The following ACAT1 variants were observed in gnomAD, a reference collection of about 807,000 sequenced individuals.
The protein encoded by ACAT1 is acetyl-CoA acetyltransferase, mitochondrial.
Under a neutral mutation model 47.3 loss-of-function variants are expected in ACAT1, and 28 were observed. The ratio of observed to expected loss-of-function variants is 0.59; its 90% CI spans 0.44 to 0.81. The LOEUF (loss-of-function observed/expected upper bound fraction) is 0.81. Ranked by LOEUF, ACAT1 falls within the 30% of genes least tolerant of loss-of-function variation. The probability of loss-of-function intolerance (pLI) is 0.00; values close to 1 mark genes in which losing one functional copy is unlikely to be tolerated. For missense variants in ACAT1, 469 were observed against 524.3 expected, an observed-to-expected ratio of 0.89 and a Z score of 1.03; for synonymous variants, 181 against 173.6, an observed-to-expected ratio of 1.04 and a Z score of -0.34.
At chr11:108,123,149 C>T (rs1365073283) in intron 1 of ACAT1, among the ~76,000 whole-genome samples, 6 of 151,962 alleles carry the variant, frequency 3.9e-5, no homozygotes, top group African/African-American at 7.3e-5. Flanking sequence ...GCAGGAGAAT[C>T]GCTTGAACCC....
In ACAT1 at chr11:108,133,895, A is replaced by AC; in HGVS notation, c.196_197insC (p.Lys66ThrfsTer12). On this transcript the variant is annotated frameshift_variant, in exon 3 of 12. Coordinates refer to ENST00000265838, the MANE Select transcript of ACAT1 (RefSeq NM_000019.4). LOFTEE classifies it high-confidence loss of function. ...CAGCCTTTCCTTGCTGCCAGCCACT[A>AC]AGCTTGGTTCCATTGCAATTCAGGG... 6.2e-7 allele frequency: 1 copy of AC among 1,614,142 alleles called. No individual in the cohort carries two copies. Among genetic ancestry groups the AC allele is most frequent in the Non-Finnish European group, 8.5e-7 (1 of 1,180,024 alleles).
intron 4 of ACAT1, 111 bp downstream of exon 4, chr11:108,134,427 G>T: frequency 4.0e-6 from 3 of 755,332 alleles, no homozygotes; most frequent in Non-Finnish European, 6.8e-6. Context: ...GGCGGATCAC[G>T]AGGTCAAGAG....
chr11:108,146,905 C>T (rs2077724468), intron 11 of ACAT1, among the ~76,000 whole-genome samples: 1 of 152,208 alleles, frequency 6.6e-6, no homozygotes, highest in South Asian at 2.1e-4. Flanking sequence ...CATGGCGAAA[C>T]CCTGTCTCTA....
intron 1 of ACAT1, among the ~76,000 whole-genome samples, chr11:108,130,203 C>T (rs2077330809): frequency 6.6e-6 from 1 of 152,064 alleles, no homozygotes; most frequent in Admixed American, 6.6e-5. Context: ...CCAACTGACC[C>T]AGTCTCTCTG....
chr11:108,132,678 C>A (rs894365373), intron 2 of ACAT1, among the ~76,000 whole-genome samples: 1 of 151,102 alleles, frequency 6.6e-6, no homozygotes, highest in African/African-American at 2.4e-5. Flanking sequence ...CACGGTGAAA[C>A]CCCATCTCCA....
In ACAT1 at chr11:108,134,267, A is replaced by T. The variant is rs771349233; in HGVS notation, c.285A>T (p.Leu95=). The T allele has an allele frequency of 6.2e-7, 1 of 1,613,732 alleles. No individual in the cohort carries two copies. Among genetic ancestry groups the T allele is most frequent in the Admixed American group, 1.7e-5 (1 of 59,972 alleles). Residue 95 remains leucine (L), a synonymous_variant, in exon 4 of 12, where the codon CTA becomes CTT. Coordinates refer to ENST00000265838, the MANE Select transcript of ACAT1 (RefSeq NM_000019.4). ...EVKEAYMGNV[L]QGGEGQAPTR... ...AAGAAGCATACATGGGTAATGTTCTACAAGGAGGTGAAGGACAAGCTCCTA... is the reference window on the plus strand; with the variant it reads ...AAGAAGCATACATGGGTAATGTTCTTCAAGGAGGTGAAGGACAAGCTCCTA...
Position 108,135,170 on chromosome 11 carries a change from C to CT in ACAT1, c.363_364insT (p.Ile122TyrfsTer55). ...TACCTATTTCTACTCCATGTACCAC[C>CT]ATAAACAAAGTTTGTGCTTCAGGAA... is the stretch of plus-strand genomic sequence containing the variant. On this transcript the variant is annotated frameshift_variant, in exon 5 of 12. Coordinates refer to ENST00000265838, the MANE Select transcript of ACAT1 (RefSeq NM_000019.4). LOFTEE classifies it high-confidence loss of function. The CT allele has an allele frequency of 6.2e-7, 1 of 1,613,746 alleles. No homozygotes were observed. Among genetic ancestry groups the CT allele is most frequent in the Non-Finnish European group, 8.5e-7 (1 of 1,179,820 alleles).
intron 10 of ACAT1, among the ~76,000 whole-genome samples, chr11:108,145,094 G>A (rs1357624528): frequency 6.6e-6 from 1 of 152,018 alleles, no homozygotes; most frequent in African/African-American, 2.4e-5. Context: ...AAAGAAAAAG[G>A]GCACTCACTA....
chr11:108,130,744 A>G (rs1168841420), intron 1 of ACAT1, among the ~76,000 whole-genome samples: 4 of 150,728 alleles, frequency 2.7e-5, no homozygotes, highest in Admixed American at 6.6e-5. Context: ...CTGCGTTGTC[A>G]GAATTAATTA....
At chr11:108,137,746 G>A (rs148758788) in intron 5 of ACAT1, among the ~76,000 whole-genome samples, 10 of 152,040 alleles carry the variant, frequency 6.6e-5, no homozygotes, top group Non-Finnish European at 1.3e-4. Flanking sequence ...GTTTGAGACC[G>A]GCCTGGGTGA....
upstream of ACAT1, among the ~76,000 whole-genome samples, chr11:108,118,989 T>C (rs1262796541): frequency 6.6e-6 from 1 of 152,168 alleles, no homozygotes; most frequent in Non-Finnish European, 1.5e-5. Context: ...ACTAGTGTAG[T>C]GAGTGCCTAG....
intron 11 of ACAT1, 151 bp from the exon 12 acceptor site, chr11:108,147,119 C>A: frequency 1.1e-6 from 1 of 889,984 alleles, no homozygotes; most frequent in Non-Finnish European, 1.7e-6. Context: ...TGAAACAAGT[C>A]CTCCAAGTTT....
chr11:108,142,610 G>A, intron 9 of ACAT1, 60 bp downstream of exon 9: 1 of 1,386,836 alleles, frequency 7.2e-7, no homozygotes, highest in Non-Finnish European at 1.0e-6. Context: ...GTTGAGGTGG[G>A]AGGATTGCTT....
intron 1 of ACAT1, among the ~76,000 whole-genome samples, chr11:108,122,807 CAAG>C (rs1445530287): frequency 6.6e-6 from 1 of 151,822 alleles, no homozygotes; most frequent in African/African-American, 2.4e-5. Context: ...GAAGAAATCA[CAAG>C]AAAGTAATTA....
chr11:108,146,445 C>T lies in ACAT1; in HGVS notation c.1163+86C>T, dbSNP rs113133561. The T allele has an allele frequency of 4.4e-5, 66 of 1,502,776 alleles. No individual in the cohort carries two copies. In the African/African-American group the frequency reaches 5.9e-4, roughly 14 times the overall value. 93.1% of individuals were successfully genotyped at this position (1,502,776 alleles called of 1,614,324 possible). On this transcript the variant is annotated intron_variant, in intron 11 of 11. Coordinates refer to ENST00000265838, the MANE Select transcript of ACAT1 (RefSeq NM_000019.4). ...TAAAACTGCTTCATAATTCCCATTG[C>T]TCTTAAGTTTTCCTTCCTACCCATC...
intron 5 of ACAT1, 156 bp from the exon 6 acceptor site, chr11:108,138,742 G>A (rs572013982): frequency 8.2e-6 from 7 of 852,084 alleles, no homozygotes; most frequent in Non-Finnish European, 1.4e-5. Flanking sequence ...TTTTCATCAG[G>A]GTGAAGTGGT....
intron 1 of ACAT1, among the ~76,000 whole-genome samples, chr11:108,122,662 G>A (rs903581821): frequency 3.3e-5 from 5 of 152,232 alleles, no homozygotes; most frequent in African/African-American, 1.2e-4. Flanking sequence ...CAATTAGGGA[G>A]TGAGGGTGCG....
At chr11:108,139,149 T>C (rs2077531164) in intron 6 of ACAT1, 108 bp downstream of exon 6, 4 of 1,422,398 alleles carry the variant, frequency 2.8e-6, no homozygotes, top group Non-Finnish European at 3.9e-6. Flanking sequence ...TCTATAAATG[T>C]TGATTTTAGC....
intron 1 of ACAT1, 47 bp downstream of exon 1, chr11:108,121,725 G>A (rs1429814166): frequency 6.5e-7 from 1 of 1,536,006 alleles, no homozygotes; most frequent in Non-Finnish European, 8.8e-7. Flanking sequence ...GATGCGAGGA[G>A]TCCCCGCCTC....
Sources: allele counts gnomAD v4.1 joint callset (sites outside exome capture counted in the v4.1 genomes callset), GRCh38; gene constraint gnomAD v4.1.1; transcripts MANE v1.5; gene names NCBI Gene and HGNC (gene_info 2026-07-23, HGNC 2026-07-21).